Variants in CES5A observed in about 807,000 individuals in gnomAD.
CES5A encodes the protein carboxylesterase 5A.
A neutral mutation model predicts 62.9 loss-of-function variants in CES5A; 67 were observed. That is an observed-to-expected ratio of 1.07 (90% CI 0.88 to 1.31). The LOEUF is 1.31. Ranked by LOEUF, CES5A falls within the 50% of genes most tolerant of loss-of-function variation. The pLI is 0.00. For synonymous variants in CES5A, 296 were observed against 280.8 expected (o/e 1.05, Z -0.54); for missense variants, 748 against 708.5 (o/e 1.06, Z -0.63).
intron 1 of CES5A, among the ~76,000 whole-genome samples, chr16:55,895,474 T>A (rs1055068932): frequency 2.0e-5 from 3 of 152,238 alleles, no homozygotes; most frequent in Admixed American, 2.0e-4. Flanking sequence ...CTTTCAGATG[T>A]AACATCTCCC....
chr16:55,856,302 C>A (rs2033241384), intron 9 of CES5A, 75 bp downstream of exon 9: 9 of 1,390,028 alleles, frequency 6.5e-6, no homozygotes, highest in Non-Finnish European at 9.2e-6. Context: ...CTTGGCTTCT[C>A]CTGCTGAGTG....
intron 11 of CES5A, 30 bp downstream of exon 11, chr16:55,849,594 G>A (rs2033085993): frequency 1.2e-6 from 2 of 1,611,656 alleles, no homozygotes; most frequent in African/African-American, 1.3e-5. Flanking sequence ...GGGGCTTCAT[G>A]TGAACTGTGG....
At chr16:55,877,032 C>A (rs2033703789), upstream of CES5A, among the ~76,000 whole-genome samples, 1 of 152,150 alleles carries the variant, frequency 6.6e-6, no homozygotes, top group South Asian at 2.1e-4. Flanking sequence ...AGAGGACAGA[C>A]CATGAGCTCA....
At chr16:55,863,619 G>T (rs1296290596) in intron 5 of CES5A, among the ~76,000 whole-genome samples, 167 bp from the exon 6 acceptor site, 1 of 152,118 alleles carries the variant, frequency 6.6e-6, no homozygotes, top group South Asian at 2.1e-4. Flanking sequence ...GAAGGTTTGG[G>T]CAAGTTACTC....
intron 2 of CES5A, among the ~76,000 whole-genome samples, chr16:55,943,356 C>T (rs1231992495): frequency 6.6e-6 from 1 of 152,216 alleles, no homozygotes; most frequent in Non-Finnish European, 1.5e-5. Context: ...CAAGGTCACA[C>T]ACAGAGCAAG....
At chr16:55,906,937 T>C (rs749518264) in intron 1 of CES5A, among the ~76,000 whole-genome samples, 4 of 152,238 alleles carry the variant, frequency 2.6e-5, no homozygotes, top group Non-Finnish European at 5.9e-5. Flanking sequence ...TGTTTCTCTG[T>C]GCCTCAGTTT....
intron 1 of CES5A, among the ~76,000 whole-genome samples, chr16:55,954,935 G>A (rs1468705192): frequency 2.6e-5 from 4 of 152,164 alleles, no homozygotes; most frequent in African/African-American, 9.7e-5. Flanking sequence ...ACCACCTGTG[G>A]ATTCTTGGAA....
intron 9 of CES5A, among the ~76,000 whole-genome samples, chr16:55,854,532 T>TTTCTGTTTTTTTTC (rs1491341397): frequency 1.7e-5 from 1 of 59,122 alleles, no homozygotes; most frequent in Non-Finnish European, 3.4e-5. Context: ...GTAGTGTTTC[T>TTTCTGTTTTTTTTC]TTTTTTTTTT....
chr16:55,925,656 T>C (rs1235487264), upstream of CES5A, among the ~76,000 whole-genome samples: 2 of 152,104 alleles, frequency 1.3e-5, no homozygotes, highest in African/African-American at 4.8e-5. Context: ...ATGTGATATA[T>C]ACACACAATG....
At chr16:55,885,616 A>G (rs1397103585) in intron 1 of CES5A, among the ~76,000 whole-genome samples, 4 of 152,280 alleles carry the variant, frequency 2.6e-5, no homozygotes, top group African/African-American at 9.6e-5. Context: ...GTCAATCACT[A>G]GAGGAGTCTT....
intron 1 of CES5A, among the ~76,000 whole-genome samples, chr16:55,950,919 G>A (rs528209303): frequency 1.3e-5 from 2 of 151,684 alleles, no homozygotes; most frequent in African/African-American, 2.4e-5. Flanking sequence ...TGGCTAACAC[G>A]GTAAAACCCC....
intron 1 of CES5A, chr16:55,955,830 T>G: frequency 6.5e-7 from 1 of 1,535,896 alleles, no homozygotes; most frequent in Non-Finnish European, 8.7e-7. Context: ...TAGCACCCTG[T>G]GGCTAATACT....
chr16:55,914,429 G>C (rs569913112), intron 1 of CES5A, among the ~76,000 whole-genome samples: 1 of 152,120 alleles, frequency 6.6e-6, no homozygotes, highest in South Asian at 2.1e-4. Context: ...GTCTCCCCAC[G>C]GTCTGGTAGT....
At chr16:55,952,131 C>T (rs918893014) in intron 1 of CES5A, among the ~76,000 whole-genome samples, 1 of 151,922 alleles carries the variant, frequency 6.6e-6, no homozygotes, top group Non-Finnish European at 1.5e-5. Flanking sequence ...AAATTAATAA[C>T]AAAAAATGGC....
intron 10 of CES5A, 36 bp from the exon 11 acceptor site, chr16:55,849,809 AGCGCGGAGCAGGG>A: frequency 6.2e-7 from 1 of 1,605,158 alleles, no homozygotes; most frequent in Non-Finnish European, 8.5e-7. Context: ...GCATGCATGC[AGCGCGGAGCAGGG>A]GGCTGGCTCT....
intron 1 of CES5A, among the ~76,000 whole-genome samples, chr16:55,888,747 G>C (rs548653884): frequency 6.6e-6 from 1 of 152,302 alleles, no homozygotes. Context: ...CTATGGAGTT[G>C]ATTCTATTGT....
chr16:55,884,508 T>C (rs2033794107), intron 1 of CES5A, among the ~76,000 whole-genome samples: 1 of 152,132 alleles, frequency 6.6e-6, no homozygotes, highest in African/African-American at 2.4e-5. Flanking sequence ...TCTTCATCAA[T>C]GTTAATGAAC....
At chr16:55,870,689 C>T (rs1291790145) in intron 3 of CES5A, among the ~76,000 whole-genome samples, 1 of 151,986 alleles carries the variant, frequency 6.6e-6, no homozygotes, top group Admixed American at 6.5e-5. Context: ...CAGAGCAAGA[C>T]TCTGTCCCAA....
intron 10 of CES5A, 124 bp downstream of exon 10, chr16:55,852,757 T>A: frequency 9.1e-7 from 1 of 1,099,662 alleles, no homozygotes. Flanking sequence ...CAGGCACACC[T>A]GGAAATGCAC....
Sources: allele counts gnomAD v4.1 joint callset (sites outside exome capture counted in the v4.1 genomes callset), GRCh38; gene constraint gnomAD v4.1.1; transcripts MANE v1.5; gene names NCBI Gene and HGNC (gene_info 2026-07-23, HGNC 2026-07-21).